The following KDM7A variants were observed in gnomAD, a reference collection of about 807,000 sequenced individuals.
The protein encoded by KDM7A is lysine-specific demethylase 7A.
A neutral mutation model predicts 114.8 loss-of-function variants in KDM7A; 28 were observed. That is an observed-to-expected ratio of 0.24 (90% CI 0.18 to 0.33). KDM7A has a LOEUF of 0.33. KDM7A is among the 10% of genes least tolerant of loss of function. The probability of loss-of-function intolerance (pLI) is 1.00; values close to 1 mark genes in which losing one functional copy is unlikely to be tolerated. For synonymous variants in KDM7A, 423 were observed against 397.8 expected, an observed-to-expected ratio of 1.06 and a Z score of -0.75; for missense variants, 942 against 1,142.5, an observed-to-expected ratio of 0.82 and a Z score of 2.53.
intron 12 of KDM7A, among the ~76,000 whole-genome samples, chr7:140,100,741 T>TATATATATATATATATAC (rs1562946178): frequency 1.8e-4 from 8 of 45,604 alleles, no homozygotes; most frequent in Admixed American, 2.4e-4. Flanking sequence ...TATATATATA[T>TATATATATATATATATAC]ACATATATAT....
At chr7:140,166,190 G>T (rs1249446500) in intron 1 of KDM7A, among the ~76,000 whole-genome samples, 1 of 151,988 alleles carries the variant, frequency 6.6e-6, no homozygotes, top group Admixed American at 6.6e-5. Context: ...GATAAGCGGG[G>T]ACACACTACT....
intron 3 of KDM7A, among the ~76,000 whole-genome samples, chr7:140,132,577 C>A (rs977105807): frequency 6.6e-6 from 1 of 152,080 alleles, no homozygotes; most frequent in African/African-American, 2.4e-5. Context: ...AAAGAAAACA[C>A]GCAAACATTT....
chr7:140,155,206 A>T (rs1188352130), intron 1 of KDM7A, among the ~76,000 whole-genome samples: 5 of 152,210 alleles, frequency 3.3e-5, no homozygotes, highest in African/African-American at 4.8e-5. Context: ...GGCACTTTCT[A>T]GGCTGAAGTC....
intron 11 of KDM7A, among the ~76,000 whole-genome samples, chr7:140,107,599 C>A (rs1177438682): frequency 6.6e-6 from 1 of 152,100 alleles, no homozygotes; most frequent in African/African-American, 2.4e-5. Context: ...GAATATTGGC[C>A]CCCACTCTCT....
intron 1 of KDM7A, among the ~76,000 whole-genome samples, chr7:140,175,451 T>A (rs1794692556): frequency 6.6e-6 from 1 of 152,120 alleles, no homozygotes; most frequent in Non-Finnish European, 1.5e-5. Flanking sequence ...TATCTGCTAT[T>A]ACTCGTGAGC....
At chr7:140,143,232 T>C (rs553540164) in intron 1 of KDM7A, among the ~76,000 whole-genome samples, 2 of 150,046 alleles carry the variant, frequency 1.3e-5, no homozygotes, top group Non-Finnish European at 3.0e-5. Flanking sequence ...ATTCTATGTA[T>C]GCAGAAAATT....
At chr7:140,142,630 T>C (rs1262671692) in intron 1 of KDM7A, among the ~76,000 whole-genome samples, 1 of 152,136 alleles carries the variant, frequency 6.6e-6, no homozygotes, top group Non-Finnish European at 1.5e-5. Context: ...TTGAAGATGA[T>C]GTAGAGCAAT....
At chr7:140,111,309 C>T in intron 10 of KDM7A, 125 bp from the exon 11 acceptor site, 1 of 597,210 alleles carries the variant, frequency 1.7e-6, no homozygotes. Context: ...TACTAGTAAG[C>T]CAGGTTTCAG....
At position 140,175,797 on chromosome 7, in the gene KDM7A, C is replaced by A. The variant is rs556904227; in HGVS notation, c.194+947G>T. 4.2e-5 allele frequency among the ~76,000 whole-genome samples: 6 copies of A among 141,642 alleles called. 1 individual carries two copies. The highest frequency in any genetic ancestry group is 3.5e-4 in the Admixed American group (5 of 14,168). The allele number at this position is 141,642 out of a possible 152,430, so 92.9% of individuals were successfully genotyped here. ...GCCAGCCGGCCCCGCAGCGTCCGCCCGGCCGACTCAAGTTCGCCGGCACCG... is the reference window on the plus strand; with the variant it reads ...GCCAGCCGGCCCCGCAGCGTCCGCCAGGCCGACTCAAGTTCGCCGGCACCG... On this transcript the variant is annotated intron_variant, in intron 1 of 19. Transcript: ENST00000397560.
intron 17 of KDM7A, chr7:140,094,751 G>C (rs1818076617): frequency 6.6e-6 from 1 of 152,496 alleles, no homozygotes; most frequent in Non-Finnish European, 1.5e-5. Context: ...ATCTGTAATT[G>C]TTTGTGATCA....
At position 140,089,494 on chromosome 7, in the gene KDM7A, A is replaced by C. The variant is rs1431143649; in HGVS notation, c.*1600T>G. The C allele has an allele frequency of 6.6e-6, 1 of 152,328 alleles. No homozygotes were observed. The highest frequency in any genetic ancestry group is 2.4e-5 in the African/African-American group (1 of 41,586). The allele number at this position is 152,328 out of a possible 1,614,324, so 9.4% of individuals were successfully genotyped here. A position where few individuals can be genotyped will look rare whatever the true frequency, so the allele number is the denominator to read the frequency against. On this transcript the variant is annotated 3_prime_UTR_variant, in exon 20 of 20. Coordinates refer to ENST00000397560, the MANE Select transcript of KDM7A (RefSeq NM_030647.2). ...CCTGCTATCTTGCTGAGTAAAAAAA[A>C]GACAAATCCATAATATGGCCATATT...
intron 1 of KDM7A, among the ~76,000 whole-genome samples, chr7:140,155,902 C>T (rs1794452806): frequency 6.6e-6 from 1 of 152,216 alleles, no homozygotes; most frequent in African/African-American, 2.4e-5. Context: ...TTTCTGAGGA[C>T]AGTTACATTT....
chr7:140,101,009 ATT>A (rs1193038648), intron 12 of KDM7A, among the ~76,000 whole-genome samples: 3 of 138,664 alleles, frequency 2.2e-5, no homozygotes, highest in Non-Finnish European at 1.6e-5. Context: ...CGGCCTCCCA[ATT>A]TTTTTTTTTT....
intron 1 of KDM7A, among the ~76,000 whole-genome samples, chr7:140,150,755 G>C (rs1794390730): frequency 6.6e-6 from 1 of 150,514 alleles, no homozygotes; most frequent in African/African-American, 2.4e-5. Context: ...TTTTTAAAAA[G>C]AAAAACACAT....
chr7:140,123,469 C>T (rs567857672), intron 7 of KDM7A, among the ~76,000 whole-genome samples: 4 of 152,286 alleles, frequency 2.6e-5, no homozygotes, highest in South Asian at 2.1e-4. Context: ...AAACAAAATA[C>T]GGTAAAGCTG....
At chr7:140,163,725 T>C (rs1227790899) in intron 1 of KDM7A, among the ~76,000 whole-genome samples, 3 of 152,194 alleles carry the variant, frequency 2.0e-5, no homozygotes, top group African/African-American at 7.2e-5. Flanking sequence ...TTAAATTATA[T>C]TCCTTTAAAT....
Position 140,133,559 on chromosome 7 carries a change from T to C in KDM7A, c.378A>G (p.Leu126=). The change falls in exon 3 of 20, where the codon TTA becomes TTG. Residue 126 remains leucine (L), a synonymous_variant. Transcript: ENST00000397560. ...CATACCTTGGGAAGACTCGAGAGCG[T>C]AATTCCTTAATGAAAGTTCTAGTTC... is the stretch of plus-strand genomic sequence containing the variant. ...QAGTRTFIKE[L]RSRVFPSADE... 1.9e-6 allele frequency: 3 copies of C among 1,599,484 alleles called. No individual in the cohort carries two copies. In the East Asian group the frequency reaches 6.7e-5, roughly 36 times the overall value.
chr7:140,102,798 C>T (rs1818254866), intron 11 of KDM7A, among the ~76,000 whole-genome samples: 1 of 152,196 alleles, frequency 6.6e-6, no homozygotes. Context: ...TTTTCACGTA[C>T]ATATTTGAAT....
At chr7:140,121,765 T>A (rs1366131075) in intron 7 of KDM7A, among the ~76,000 whole-genome samples, 2 of 152,202 alleles carry the variant, frequency 1.3e-5, no homozygotes, top group African/African-American at 4.8e-5. Flanking sequence ...CTATTAACTA[T>A]CTGAGCCTAG....
Sources: gnomAD v4.1 joint callset for allele counts (sites outside exome capture counted in the v4.1 genomes callset) on GRCh38, gnomAD v4.1.1 for gene constraint, MANE v1.5 for transcripts, NCBI Gene and HGNC (gene_info 2026-07-23, HGNC 2026-07-21) for gene names.